Variants in CNOT4 observed in about 807,000 individuals in gnomAD.
CNOT4 encodes the protein CCR4-NOT transcription complex subunit 4, also known as CCR4-associated factor 4.
In CNOT4, 8 loss-of-function variants were observed where a neutral mutation model predicts 73.8. The ratio of observed to expected loss-of-function variants is 0.11; its 90% CI spans 0.06 to 0.20. The LOEUF is 0.20. CNOT4 is among the 10% of genes least tolerant of loss of function. CNOT4 has a pLI of 1.00. For synonymous variants in CNOT4, 293 were observed against 321.1 expected (o/e 0.91, Z 0.94); for missense variants, 564 against 883.4 (o/e 0.64, Z 4.58).
At chr7:135,497,159 G>A (rs886950441) in intron 1 of CNOT4, among the ~76,000 whole-genome samples, 4 of 151,876 alleles carry the variant, frequency 2.6e-5, no homozygotes, top group African/African-American at 9.7e-5. Context: ...TATAATCCCA[G>A]CACTTTGGGA....
chr7:135,410,379 T>C, intron 7 of CNOT4, 136 bp downstream of exon 7: 1 of 549,060 alleles, frequency 1.8e-6, no homozygotes, highest in Non-Finnish European at 3.0e-6. Flanking sequence ...GACTCAACAT[T>C]TCCCATACAG....
In CNOT4 at chr7:135,495,692, AAG is replaced by A. The variant is rs1803488566; in HGVS notation, c.-93+14195_-93+14196del. Among the ~76,000 whole-genome samples the A allele has an allele frequency of 7.1e-4, 10 of 14,008 alleles. 1 individual carries two copies. The highest frequency in any genetic ancestry group is 1.9e-3 in the African/African-American group (8 of 4,242). The allele number at this position is 14,008 out of a possible 152,430, so 9.2% of individuals were successfully genotyped here. On this transcript the variant is annotated intron_variant, in intron 1 of 11. Coordinates refer to ENST00000541284, the MANE Select transcript of CNOT4 (RefSeq NM_001190850.2). ...GTCAAAAAAAAAAAAAAAAAAAAAAAAGAAAGAAAGAAAGAAAGAAAGAAAGA... is the reference window on the plus strand; with the variant it reads ...GTCAAAAAAAAAAAAAAAAAAAAAAAAAAGAAAGAAAGAAAGAAAGAAAGA...
At position 135,436,994 on chromosome 7, in the gene CNOT4, T is replaced by C. The variant is rs6965101; in HGVS notation, c.174+1164A>G. ...AACATTAAAGAAAAGGCAAATTCCA[T>C]AATAAAGTGGCAGATATTTGCATTA... On this transcript the variant is annotated intron_variant, in intron 2 of 11. Transcript: ENST00000541284. Among the ~76,000 whole-genome samples the C allele has an allele frequency of 1.3e-3, 202 of 152,216 alleles. 3 individuals are homozygous for C. Among genetic ancestry groups the C allele is most frequent in the African/African-American group, 4.5e-3 (185 of 41,544 alleles).
intron 1 of CNOT4, among the ~76,000 whole-genome samples, chr7:135,439,288 C>T (rs1799336520): frequency 6.6e-6 from 1 of 151,950 alleles, no homozygotes; most frequent in Non-Finnish European, 1.5e-5. Context: ...TAATTTTTTA[C>T]ATAATTGGAC....
At chr7:135,458,220 C>T (rs1188494267) in intron 1 of CNOT4, among the ~76,000 whole-genome samples, 3 of 152,082 alleles carry the variant, frequency 2.0e-5, no homozygotes, top group African/African-American at 7.2e-5. Flanking sequence ...GGTATGTTTA[C>T]ACTATACTGT....
intron 3 of CNOT4, among the ~76,000 whole-genome samples, chr7:135,419,751 T>C (rs546427452): frequency 9.2e-5 from 14 of 152,158 alleles, no homozygotes; most frequent in African/African-American, 3.4e-4. Context: ...AAGAAATCTC[T>C]GTAAGTAAAT....
intron 1 of CNOT4, among the ~76,000 whole-genome samples, chr7:135,459,584 C>T (rs1314963395): frequency 6.6e-6 from 1 of 152,146 alleles, no homozygotes; most frequent in Non-Finnish European, 1.5e-5. Context: ...TGCTCCAGGA[C>T]CTCCTCGCCT....
At chr7:135,380,701 C>T (rs1022403164) in intron 10 of CNOT4, among the ~76,000 whole-genome samples, 1 of 152,186 alleles carries the variant, frequency 6.6e-6, no homozygotes, top group Non-Finnish European at 1.5e-5. Flanking sequence ...TTTTCCTCCA[C>T]TGAGTTTCAA....
At chr7:135,438,744 C>A (rs1799302832) in intron 1 of CNOT4, among the ~76,000 whole-genome samples, 1 of 152,208 alleles carries the variant, frequency 6.6e-6, no homozygotes, top group African/African-American at 2.4e-5. Flanking sequence ...ACTGTCTCAT[C>A]TTTGACCTAA....
intron 1 of CNOT4, among the ~76,000 whole-genome samples, chr7:135,461,989 G>T (rs756800038): frequency 6.6e-6 from 1 of 151,416 alleles, no homozygotes; most frequent in East Asian, 1.9e-4. Flanking sequence ...TAAGAACTGC[G>T]ACAGTCCAGA....
At chr7:135,502,831 A>G (rs974820629) in intron 1 of CNOT4, among the ~76,000 whole-genome samples, 21 of 151,436 alleles carry the variant, frequency 1.4e-4, no homozygotes, top group African/African-American at 4.6e-4. Flanking sequence ...AAAAAAAAAA[A>G]AAAGAAAAAA....
chr7:135,431,996 C>T (rs1312923940), intron 2 of CNOT4, among the ~76,000 whole-genome samples: 1 of 152,110 alleles, frequency 6.6e-6, no homozygotes, highest in Non-Finnish European at 1.5e-5. Context: ...TTTGTTGAAA[C>T]TCACAAACTG....
intron 10 of CNOT4, among the ~76,000 whole-genome samples, chr7:135,370,448 T>C (rs564077090): frequency 1.6e-4 from 24 of 152,310 alleles, no homozygotes; most frequent in African/African-American, 5.5e-4. Flanking sequence ...TATTCAATCT[T>C]CCAAAAGTCG....
At chr7:135,408,029 G>T (rs1448889545) in intron 7 of CNOT4, among the ~76,000 whole-genome samples, 1 of 152,006 alleles carries the variant, frequency 6.6e-6, no homozygotes, top group Non-Finnish European at 1.5e-5. Context: ...GTTAAAATGA[G>T]ACAGCTTTTT....
At position 135,363,466 on chromosome 7, in the gene CNOT4, A is replaced by G. The variant is rs1235996586; in HGVS notation, c.1841-280T>C. On this transcript the variant is annotated intron_variant, in intron 11 of 11. Coordinates refer to ENST00000541284, the MANE Select transcript of CNOT4 (RefSeq NM_001190850.2). This position sits in a 1 kb window ranked among gnomAD's most constrained non-coding sequence, Gnocchi z 4.3. ...CAGAACTGCCTGATGGCATTTCCCA[A>G]TTGTGCTTTTCCTCCTCTGACAGGG... Among the ~76,000 whole-genome samples, 1 of 152,178 alleles carries G rather than the reference A, an allele frequency of 6.6e-6. No individual in the cohort carries two copies. Among genetic ancestry groups the G allele is most frequent in the Non-Finnish European group, 1.5e-5 (1 of 68,030 alleles).
At chr7:135,464,037 A>AAAAAC (rs1351031103) in intron 1 of CNOT4, among the ~76,000 whole-genome samples, 1 of 151,708 alleles carries the variant, frequency 6.6e-6, no homozygotes, top group African/African-American at 2.4e-5. Flanking sequence ...AAAAAAAAAA[A>AAAAAC]AAACAGATGG....
chr7:135,442,960 G>C (rs1799578307), intron 1 of CNOT4, among the ~76,000 whole-genome samples: 1 of 152,062 alleles, frequency 6.6e-6, no homozygotes, highest in African/African-American at 2.4e-5. Context: ...TTGGGAGACT[G>C]AGGCAGGAGG....
chr7:135,416,680 A>G (rs1485554320), intron 3 of CNOT4, among the ~76,000 whole-genome samples: 1 of 152,218 alleles, frequency 6.6e-6, no homozygotes, highest in Non-Finnish European at 1.5e-5. Flanking sequence ...CAAAGGGTTC[A>G]GTCAGGCCGG....
At chr7:135,480,075 T>A (rs2129487196) in intron 1 of CNOT4, among the ~76,000 whole-genome samples, 1 of 152,346 alleles carries the variant, frequency 6.6e-6, no homozygotes, top group East Asian at 1.9e-4. Flanking sequence ...AAATGCTGCT[T>A]ATTTTAGGAT....
Sources: gnomAD v4.1 joint callset for allele counts (sites outside exome capture counted in the v4.1 genomes callset) on GRCh38, gnomAD v4.1.1 for gene constraint, Gnocchi (gnomAD v3.1) non-coding constraint, MANE v1.5 for transcripts, NCBI Gene and HGNC (gene_info 2026-07-23, HGNC 2026-07-21) for gene names.